Variants in UNC5C observed in about 807,000 individuals in gnomAD.
The protein encoded by UNC5C is unc-5 netrin receptor C, also known as netrin receptor UNC5C.
UNC5C carries 47 observed loss-of-function variants against 99.8 expected under a neutral mutation model. That is an observed-to-expected ratio of 0.47 (90% confidence interval 0.37 to 0.60). The LOEUF is 0.60. Ranked by LOEUF, UNC5C falls within the 20% of genes least tolerant of loss-of-function variation. The pLI, the probability that UNC5C is intolerant of heterozygous loss-of-function variation, is 0.00. For synonymous variants in UNC5C, 487 were observed against 452.2 expected (o/e 1.08, Z -0.98); for missense variants, 1,062 against 1,165.9 (o/e 0.91, Z 1.30).
intron 7 of UNC5C, among the ~76,000 whole-genome samples, chr4:95,223,809 T>C (rs1738567259): frequency 1.3e-5 from 2 of 152,162 alleles, no homozygotes; most frequent in Non-Finnish European, 1.5e-5. Context: ...CCCAAAGACT[T>C]AACACAAAAC....
rs558095265 is a variant in UNC5C, at chr4:95,454,209, T to C, written c.124+94525A>G. ...AACTGACACTCTTCATTTGATACTT[T>C]GTGGCAGTTTGAAATAGGCATTCTG... On this transcript the variant is annotated intron_variant, in intron 1 of 15. Transcript: ENST00000453304. Among the ~76,000 whole-genome samples the C allele has an allele frequency of 2.6e-5, 4 of 152,258 alleles. No homozygotes were observed. In the East Asian group the frequency reaches 7.7e-4, roughly 29 times the overall value.
intron 12 of UNC5C, among the ~76,000 whole-genome samples, chr4:95,191,556 C>T (rs1206311341): frequency 6.6e-6 from 1 of 151,752 alleles, no homozygotes; most frequent in African/African-American, 2.4e-5. Flanking sequence ...ACCAACCCCA[C>T]TTTGTGCTCA....
At chr4:95,310,650 C>A (rs914760692) in intron 2 of UNC5C, among the ~76,000 whole-genome samples, 1 of 152,060 alleles carries the variant, frequency 6.6e-6, no homozygotes. Flanking sequence ...TGCTTGGAAG[C>A]ATTTCTAGGT....
Position 95,202,894 on chromosome 4 carries a change from T to C in UNC5C, c.1973A>G (p.His658Arg). Residue 658 changes from histidine to arginine, a missense_variant, in exon 12 of 16, where the codon CAC becomes CGC. Transcript: ENST00000453304. ...CYIQLDAEAC[H>R]ILTENLSTYA... ...GGTGCTGAGGTTCTCTGTGAGGATG[T>C]GGCAGGCCTCTGCATCCAGCTGAAT... 6.2e-7 allele frequency: 1 copy of C among 1,614,216 alleles called. No individual in the cohort carries two copies. Among genetic ancestry groups the C allele is most frequent in the Non-Finnish European group, 8.5e-7 (1 of 1,180,042 alleles).
At chr4:95,422,095 G>A (rs1011685831) in intron 1 of UNC5C, among the ~76,000 whole-genome samples, 1 of 152,172 alleles carries the variant, frequency 6.6e-6, no homozygotes, top group African/African-American at 2.4e-5. Context: ...CCTCACTGAC[G>A]ACAACAAGCT....
intron 1 of UNC5C, among the ~76,000 whole-genome samples, chr4:95,378,393 A>T (rs1424616243): frequency 8.8e-6 from 1 of 113,728 alleles, no homozygotes; most frequent in Non-Finnish European, 1.7e-5. Flanking sequence ...AAGAAAGCCT[A>T]CGTAACTATC....
At chr4:95,211,470 C>A (rs917545770) in intron 10 of UNC5C, among the ~76,000 whole-genome samples, 4 of 152,212 alleles carry the variant, frequency 2.6e-5, no homozygotes, top group African/African-American at 9.7e-5. Flanking sequence ...ATAGAAGCAG[C>A]CCTTGAAACT....
At chr4:95,374,655 G>A (rs912273885) in intron 1 of UNC5C, among the ~76,000 whole-genome samples, 3 of 152,126 alleles carry the variant, frequency 2.0e-5, no homozygotes, top group Non-Finnish European at 2.9e-5. Flanking sequence ...TAATCTAGAA[G>A]AGAAGGTAGG....
intron 1 of UNC5C, among the ~76,000 whole-genome samples, chr4:95,379,457 C>A (rs1431423061): frequency 6.6e-6 from 1 of 152,146 alleles, no homozygotes; most frequent in Non-Finnish European, 1.5e-5. Context: ...ATGCGAAAAC[C>A]TCTCTGGACA....
At chr4:95,477,100 C>A (rs1748173079) in intron 1 of UNC5C, among the ~76,000 whole-genome samples, 1 of 151,986 alleles carries the variant, frequency 6.6e-6, no homozygotes, top group Non-Finnish European at 1.5e-5. Context: ...ATAAAAATGT[C>A]TAAAGATAAC....
intron 12 of UNC5C, among the ~76,000 whole-genome samples, chr4:95,201,559 C>T (rs564554880): frequency 6.6e-6 from 1 of 152,070 alleles, no homozygotes; most frequent in South Asian, 2.1e-4. Context: ...GACAAAATTC[C>T]TATCTATTAT....
chr4:95,461,560 A>C (rs1044544896), intron 1 of UNC5C, among the ~76,000 whole-genome samples: 8 of 152,240 alleles, frequency 5.3e-5, no homozygotes, highest in African/African-American at 1.9e-4. Flanking sequence ...CAAGCTGATT[A>C]ATAGAATTAA....
At chr4:95,445,570 C>T (rs1042265769) in intron 1 of UNC5C, among the ~76,000 whole-genome samples, 2 of 151,936 alleles carry the variant, frequency 1.3e-5, no homozygotes, top group African/African-American at 4.8e-5. Context: ...TTTATACCAG[C>T]GAATCAAGCA....
intron 1 of UNC5C, among the ~76,000 whole-genome samples, chr4:95,369,549 G>C (rs544967292): frequency 6.6e-6 from 1 of 151,904 alleles, no homozygotes; most frequent in East Asian, 1.9e-4. Flanking sequence ...AAGTGAGATC[G>C]CATCTCCAAA....
chr4:95,219,354 T>C (rs1458651511), intron 8 of UNC5C, 41 bp from the exon 9 acceptor site: 9 of 1,578,040 alleles, frequency 5.7e-6, no homozygotes, highest in Non-Finnish European at 6.0e-6. Context: ...GCATTCTCCA[T>C]TCAGGCCAAC....
intron 5 of UNC5C, chr4:95,247,949 G>T (rs1297596695): frequency 6.6e-6 from 1 of 152,302 alleles, no homozygotes; most frequent in African/African-American, 2.4e-5. Context: ...AAAGAGATAA[G>T]AAGAAGAAAA....
chr4:95,523,340 C>T (rs1267405454), intron 1 of UNC5C, among the ~76,000 whole-genome samples: 1 of 152,130 alleles, frequency 6.6e-6, no homozygotes, highest in African/African-American at 2.4e-5. Context: ...GGGATGTGTG[C>T]ACTGGGCCAG....
At chr4:95,467,542 A>G (rs772577293) in intron 1 of UNC5C, among the ~76,000 whole-genome samples, 3 of 152,240 alleles carry the variant, frequency 2.0e-5, no homozygotes, top group African/African-American at 4.8e-5. Flanking sequence ...AATGAAAATT[A>G]CTACATGGAT....
rs1742722918 is a variant in UNC5C at position 95,322,273 on chromosome 4, C to A, written c.346+13137G>T. On this transcript the variant is annotated intron_variant, in intron 2 of 15. Coordinates refer to ENST00000453304, the MANE Select transcript of UNC5C (RefSeq NM_003728.4). ...TAGGTATATTTATTGTATAAAGTAA[C>A]TCTTCTTACAGAAGATTAAGCTATC... Among the ~76,000 whole-genome samples the A allele has an allele frequency of 2.0e-5, 3 of 152,186 alleles. No homozygotes were observed. The South Asian group carries it at 6.2e-4, about 31-fold the overall frequency.
Sources: gnomAD v4.1 joint callset for allele counts (sites outside exome capture counted in the v4.1 genomes callset) on GRCh38, gnomAD v4.1.1 for gene constraint, MANE v1.5 for transcripts, NCBI Gene and HGNC (gene_info 2026-07-23, HGNC 2026-07-21) for gene names.